Variants in KLF12 observed in about 807,000 individuals in gnomAD.
KLF12 encodes the protein KLF transcription factor 12.
KLF12 carries 9 observed loss-of-function variants against 37.8 expected under a neutral mutation model. That is an observed-to-expected ratio of 0.24 (90% CI 0.14 to 0.42). KLF12 has a LOEUF of 0.42. KLF12 is among the 10% of genes least tolerant of loss of function. KLF12 has a pLI of 1.00. For missense variants in KLF12, 411 were observed against 516.0 expected, an observed-to-expected ratio of 0.80 and a Z score of 1.97; for synonymous variants, 208 against 202.1, an observed-to-expected ratio of 1.03 and a Z score of -0.25.
intron 4 of KLF12, among the ~76,000 whole-genome samples, chr13:73,817,836 T>C (rs1262380507): frequency 6.6e-6 from 1 of 152,246 alleles, no homozygotes; most frequent in African/African-American, 2.4e-5. Context: ...TGAAGCATTC[T>C]GAACATTTTT....
chr13:74,000,740 CT>C (rs1456466654), intron 1 of KLF12, among the ~76,000 whole-genome samples: 9 of 152,192 alleles, frequency 5.9e-5, no homozygotes, highest in Non-Finnish European at 1.0e-4. Context: ...GGAAATTACT[CT>C]TTTAATCTGT....
chr13:74,172,959 C>A, the KLF12 span, among the ~76,000 whole-genome samples: 2 of 152,298 alleles, frequency 1.3e-5, no homozygotes, highest in South Asian at 4.1e-4. Context: ...GAAATACGCC[C>A]GTACCTCTCT....
intron 6 of KLF12, among the ~76,000 whole-genome samples, chr13:73,748,594 CA>C (rs1322855898): frequency 3.9e-5 from 6 of 152,176 alleles, no homozygotes; most frequent in Admixed American, 3.3e-4. Flanking sequence ...GGAACTGAAT[CA>C]CCAGATGGCT....
At chr13:74,145,759 C>T in the KLF12 span, among the ~76,000 whole-genome samples, 2 of 152,152 alleles carry the variant, frequency 1.3e-5, no homozygotes, top group Non-Finnish European at 2.9e-5. Flanking sequence ...ATGTAATTCT[C>T]TGTAGGTTTG....
At chr13:73,945,426 G>A (rs1407590591) in intron 2 of KLF12, among the ~76,000 whole-genome samples, 2 of 151,150 alleles carry the variant, frequency 1.3e-5, no homozygotes, top group East Asian at 2.0e-4. Context: ...CCGAGATCAC[G>A]CCATTGCACT....
At chr13:74,232,964 C>T in the KLF12 span, among the ~76,000 whole-genome samples, 1 of 152,176 alleles carries the variant, frequency 6.6e-6, no homozygotes, top group South Asian at 2.1e-4. Flanking sequence ...CAGCTCACTG[C>T]AACCTCCGCC....
At chr13:74,270,511 C>T in the KLF12 span, among the ~76,000 whole-genome samples, 1 of 152,218 alleles carries the variant, frequency 6.6e-6, no homozygotes, top group African/African-American at 2.4e-5. Flanking sequence ...GTGCTACAGG[C>T]ATGAAGCATA....
chr13:74,052,190 A>G (rs1165217903), intron 1 of KLF12, among the ~76,000 whole-genome samples: 2 of 152,160 alleles, frequency 1.3e-5, no homozygotes, highest in Non-Finnish European at 2.9e-5. Flanking sequence ...GAATTAAACC[A>G]TAGTCTATAA....
chr13:74,168,149 C>T, the KLF12 span, among the ~76,000 whole-genome samples: 1 of 152,184 alleles, frequency 6.6e-6, no homozygotes, highest in Admixed American at 6.5e-5. Flanking sequence ...CAGTATTTAC[C>T]TGATCACCCA....
chr13:73,948,205 T>C (rs545084259), intron 2 of KLF12, among the ~76,000 whole-genome samples: 207 of 152,088 alleles, frequency 1.4e-3, no homozygotes, highest in Non-Finnish European at 9.4e-4. Flanking sequence ...ACCAAGTTGG[T>C]TGGGACACTT....
At chr13:74,054,146 T>C (rs1034595428) in intron 1 of KLF12, among the ~76,000 whole-genome samples, 6 of 152,132 alleles carry the variant, frequency 3.9e-5, no homozygotes, top group Admixed American at 3.9e-4. Flanking sequence ...AGTATGAAAA[T>C]TCTTAGACCA....
chr13:74,275,878 C>T, the KLF12 span, among the ~76,000 whole-genome samples: 124 of 52,968 alleles, frequency 2.3e-3, 1 homozygote, highest in South Asian at 6.5e-3. Flanking sequence ...ATCTTTCTTT[C>T]TTCTTTCTTT....
At chr13:73,759,001 T>G (rs1879370836) in intron 6 of KLF12, among the ~76,000 whole-genome samples, 1 of 152,094 alleles carries the variant, frequency 6.6e-6, no homozygotes, top group Non-Finnish European at 1.5e-5. Flanking sequence ...TTAAAGAAAT[T>G]AATAGGTGAT....
chr13:74,303,563 T>C, the KLF12 span, among the ~76,000 whole-genome samples: 1 of 152,132 alleles, frequency 6.6e-6, no homozygotes, highest in African/African-American at 2.4e-5. Flanking sequence ...TTGATGAAAA[T>C]ATACTTTTTT....
chr13:73,839,028 T>C (rs968427740), intron 4 of KLF12, among the ~76,000 whole-genome samples: 4 of 152,006 alleles, frequency 2.6e-5, no homozygotes, highest in Admixed American at 6.6e-5. Context: ...GGCTCAGGTA[T>C]AGAAGAGAGG....
At chr13:73,936,352 A>C (rs1003575491) in intron 3 of KLF12, among the ~76,000 whole-genome samples, 1 of 152,128 alleles carries the variant, frequency 6.6e-6, no homozygotes, top group Non-Finnish European at 1.5e-5. Context: ...AGGGCCACTA[A>C]GCTGTGACCC....
In KLF12 at chr13:73,686,507, G is replaced by A. The variant is rs1208567322; in HGVS notation, c.*8983C>T. 3.9e-5 allele frequency: 6 copies of A among 152,628 alleles called. No homozygotes were observed. Among genetic ancestry groups the A allele is most frequent in the Non-Finnish European group, 7.3e-5 (5 of 68,032 alleles). 9.5% of individuals were successfully genotyped at this position (152,628 alleles called of 1,614,324 possible). A position where few individuals can be genotyped will look rare whatever the true frequency, so the allele number is the denominator to read the frequency against. On this transcript the variant is annotated 3_prime_UTR_variant, in exon 8 of 8. Coordinates refer to ENST00000377669, the MANE Select transcript of KLF12 (RefSeq NM_007249.5). Reference sequence around the variant, plus strand: ...AAACACTACAGAGTATATAAATGCAGAGGAAACTATTGGGAAATTAGGTCT... The same window carrying A: ...AAACACTACAGAGTATATAAATGCAAAGGAAACTATTGGGAAATTAGGTCT...
At chr13:74,083,704 T>C (rs1273245794) in intron 1 of KLF12, among the ~76,000 whole-genome samples, 2 of 152,234 alleles carry the variant, frequency 1.3e-5, no homozygotes, top group African/African-American at 4.8e-5. Flanking sequence ...GAGCTTGACA[T>C]GTTTTATAGC....
intron 1 of KLF12, among the ~76,000 whole-genome samples, chr13:74,068,860 T>A (rs1170747424): frequency 6.6e-6 from 1 of 152,138 alleles, no homozygotes; most frequent in African/African-American, 2.4e-5. Flanking sequence ...CCCGGCCTAT[T>A]TGAATAAAAT....
Sources: allele counts gnomAD v4.1 joint callset (sites outside exome capture counted in the v4.1 genomes callset), GRCh38; gene constraint gnomAD v4.1.1; transcripts MANE v1.5; gene names NCBI Gene and HGNC (gene_info 2026-07-23, HGNC 2026-07-21).